SHCBP1: variants seen among roughly 807,000 people sequenced by gnomAD.
SHCBP1 encodes SHC binding and spindle associated 1.
SHCBP1 carries 60 observed loss-of-function variants against 75.1 expected under a neutral mutation model. The observed-to-expected ratio is 0.80, with a 90% confidence interval of 0.65 to 0.99. The LOEUF (loss-of-function observed/expected upper bound fraction) is 0.99, where lower values mean the gene tolerates loss of function less well. SHCBP1 is among the 50% of genes least tolerant of loss of function. The pLI, the probability that SHCBP1 is intolerant of heterozygous loss-of-function variation, is 0.00. For missense variants in SHCBP1, 709 were observed against 809.4 expected, an observed-to-expected ratio of 0.88 and a Z score of 1.50; for synonymous variants, 290 against 293.2, an observed-to-expected ratio of 0.99 and a Z score of 0.11.
At chr16:46,611,092 T>G (rs1383847070) in intron 4 of SHCBP1, among the ~76,000 whole-genome samples, 4 of 152,136 alleles carry the variant, frequency 2.6e-5, no homozygotes, top group African/African-American at 9.7e-5. Flanking sequence ...TCCTCCCACA[T>G]CCCAAAGATG....
intron 4 of SHCBP1, among the ~76,000 whole-genome samples, chr16:46,613,123 G>C (rs1462725941): frequency 6.6e-6 from 1 of 152,108 alleles, no homozygotes; most frequent in East Asian, 1.9e-4. Flanking sequence ...TTCGAGACCA[G>C]CTTGGGCAAC....
chr16:46,616,497 C>T lies in SHCBP1; in HGVS notation c.388-343G>A, dbSNP rs2143002145. On this transcript the variant is annotated intron_variant, in intron 3 of 12. Transcript: ENST00000303383. The surrounding 1 kb of genome is among the most constrained non-coding windows in gnomAD (Gnocchi z 4.4). ...GAAGAGCTGGGAAAGCACAGAAGGCCTGTGGCAGAGACAGGCTTGGCAGCT... is the reference window on the plus strand; with the variant it reads ...GAAGAGCTGGGAAAGCACAGAAGGCTTGTGGCAGAGACAGGCTTGGCAGCT... Among the ~76,000 whole-genome samples, 1 of 152,268 alleles carries T rather than the reference C, an allele frequency of 6.6e-6. No individual in the cohort carries two copies. The highest frequency in any genetic ancestry group is 1.5e-5 in the Non-Finnish European group (1 of 68,022).
At chr16:46,600,941 C>T (rs749887293) in intron 8 of SHCBP1, among the ~76,000 whole-genome samples, 2 of 151,930 alleles carry the variant, frequency 1.3e-5, no homozygotes, top group South Asian at 2.1e-4. Context: ...ACCTGGGAGG[C>T]GGAGATTGCA....
intron 10 of SHCBP1, among the ~76,000 whole-genome samples, chr16:46,590,972 G>C (rs560623396): frequency 1.3e-5 from 2 of 152,284 alleles, no homozygotes; most frequent in Non-Finnish European, 2.9e-5. Flanking sequence ...ATACACCATG[G>C]AATACTATGC....
chr16:46,606,157 C>T (rs977608226), intron 5 of SHCBP1, among the ~76,000 whole-genome samples: 4 of 152,134 alleles, frequency 2.6e-5, no homozygotes, highest in Non-Finnish European at 4.4e-5. Context: ...ACTTCATAGT[C>T]TAAAAGCAAT....
chr16:46,594,682 CT>C (rs916651195), intron 10 of SHCBP1, among the ~76,000 whole-genome samples: 2 of 151,612 alleles, frequency 1.3e-5, no homozygotes, highest in Non-Finnish European at 2.9e-5. Flanking sequence ...TTAGCGGTTT[CT>C]TTAAAAAAAA....
chr16:46,582,153 T>G lies in SHCBP1; in HGVS notation c.1694-99A>C, dbSNP rs904613956. On this transcript the variant is annotated intron_variant, in intron 12 of 12. Coordinates refer to ENST00000303383, the MANE Select transcript of SHCBP1 (RefSeq NM_024745.5). ...TCTTCTCAACAAGCAGCTGCCTTGC[T>G]TTCTATACCAAGGTTCCCTGACCCT... is the stretch of plus-strand genomic sequence containing the variant. The G allele has an allele frequency of 1.2e-5, 15 of 1,271,756 alleles. No individual in the cohort carries two copies. In the African/African-American group the frequency reaches 1.8e-4, roughly 15 times the overall value. The allele number at this position is 1,271,756 out of a possible 1,614,324, so 78.8% of individuals were successfully genotyped here. A position where few individuals can be genotyped will look rare whatever the true frequency, so the allele number is the denominator to read the frequency against.
intron 8 of SHCBP1, among the ~76,000 whole-genome samples, chr16:46,602,297 A>C (rs1472112056): frequency 6.6e-6 from 1 of 152,238 alleles, no homozygotes; most frequent in Non-Finnish European, 1.5e-5. Context: ...GGAGAGTAGA[A>C]AAGAACAAAA....
intron 10 of SHCBP1, among the ~76,000 whole-genome samples, chr16:46,593,940 G>T (rs1387655761): frequency 1.3e-5 from 2 of 151,844 alleles, no homozygotes; most frequent in South Asian, 4.1e-4. Context: ...CAGGGTAGCT[G>T]AAACAATTTT....
At chr16:46,609,875 A>G (rs1369191490) in intron 4 of SHCBP1, among the ~76,000 whole-genome samples, 1 of 151,988 alleles carries the variant, frequency 6.6e-6, no homozygotes, top group Non-Finnish European at 1.5e-5. Flanking sequence ...AGCTTCAACA[A>G]TTACCAACTC....
chr16:46,589,220 C>G (rs1244478960), intron 10 of SHCBP1, among the ~76,000 whole-genome samples: 2 of 152,070 alleles, frequency 1.3e-5, no homozygotes, highest in African/African-American at 2.4e-5. Context: ...ATATCATAAT[C>G]AATGGGCAAA....
chr16:46,592,637 T>C (rs1247705114), intron 10 of SHCBP1, among the ~76,000 whole-genome samples: 1 of 151,858 alleles, frequency 6.6e-6, no homozygotes, highest in African/African-American at 2.4e-5. Context: ...ACAAAGACAG[T>C]GGCACAGAAA....
intron 10 of SHCBP1, among the ~76,000 whole-genome samples, chr16:46,593,402 T>A (rs1965082464): frequency 6.6e-6 from 1 of 152,158 alleles, no homozygotes; most frequent in Non-Finnish European, 1.5e-5. Context: ...CATACAACAT[T>A]TGTATGCTGA....
At position 46,621,261 on chromosome 16, in the gene SHCBP1, C is replaced by T. The variant is rs1201567546; in HGVS notation, c.99G>A (p.Glu33=). The T allele has an allele frequency of 6.2e-7, 1 of 1,608,150 alleles. No homozygotes were observed. Among genetic ancestry groups the T allele is most frequent in the Non-Finnish European group, 8.5e-7 (1 of 1,178,132 alleles). The change falls in exon 1 of 13, where the codon GAG becomes GAA. Residue 33 remains glutamate (E), a synonymous_variant. Coordinates refer to ENST00000303383, the MANE Select transcript of SHCBP1 (RefSeq NM_024745.5). ...GCCCCGGCATGGAGAGCTCACCTTT[C>T]TCCAGAGACGCCAGCTCCTGCTCCA... ...WAVEQELASL[E]KGLFQDEDSC...
intron 1 of SHCBP1, among the ~76,000 whole-genome samples, chr16:46,619,400 C>A (rs1466773749): frequency 1.3e-5 from 2 of 151,842 alleles, no homozygotes; most frequent in African/African-American, 4.8e-5. Context: ...TTTCTTTGTC[C>A]CTGTTCAGGC....
chr16:46,616,895 A>C lies in SHCBP1; in HGVS notation c.387+739T>G, dbSNP rs1255375959. On this transcript the variant is annotated intron_variant, in intron 3 of 12. Transcript: ENST00000303383. The surrounding 1 kb of genome is among the most constrained non-coding windows in gnomAD (Gnocchi z 4.4). ...CACAATCCAAAATTTTAAAACTCAC[A>C]AGCAATAGCTGCAATCCACTGCCTT... 6.6e-6 allele frequency among the ~76,000 whole-genome samples: 1 copy of C among 152,192 alleles called. No individual in the cohort carries two copies. The highest frequency in any genetic ancestry group is 1.5e-5 in the Non-Finnish European group (1 of 68,034).
intron 8 of SHCBP1, among the ~76,000 whole-genome samples, chr16:46,602,821 G>C (rs1450084980): frequency 1.3e-5 from 2 of 152,036 alleles, no homozygotes; most frequent in African/African-American, 4.8e-5. Flanking sequence ...AGTACCGACG[G>C]GGTTTCACCA....
rs187911989 is a variant in SHCBP1, at chr16:46,598,257, A to G, written c.1345+1574T>C. Among the ~76,000 whole-genome samples, 19 of 152,306 alleles carry G rather than the reference A, an allele frequency of 1.2e-4. No homozygotes were observed. In the East Asian group the frequency reaches 3.7e-3, roughly 29 times the overall value. ...AATTGACTTTGCCCAGACCCATCGGAGGAATCACTATCAATAGCTGGTATA... is the reference window on the plus strand; with the variant it reads ...AATTGACTTTGCCCAGACCCATCGGGGGAATCACTATCAATAGCTGGTATA... On this transcript the variant is annotated intron_variant, in intron 9 of 12. Transcript: ENST00000303383.
intron 4 of SHCBP1, 139 bp from the exon 5 acceptor site, chr16:46,608,528 A>G (rs939577585): frequency 4.9e-6 from 3 of 610,998 alleles, no homozygotes; most frequent in African/African-American, 3.7e-5. Flanking sequence ...GTTGATAGTC[A>G]TGAGTCACAC....
Sources: gnomAD v4.1 joint callset for allele counts (sites outside exome capture counted in the v4.1 genomes callset) on GRCh38, gnomAD v4.1.1 for gene constraint, Gnocchi (gnomAD v3.1) non-coding constraint, MANE v1.5 for transcripts, NCBI Gene and HGNC (gene_info 2026-07-23, HGNC 2026-07-21) for gene names.